Variants in CKM observed in about 807,000 individuals in gnomAD.
CKM encodes creatine kinase, M-type.
CKM carries 28 observed loss-of-function variants against 35.4 expected under a neutral mutation model. The observed-to-expected ratio is 0.79, with a 90% CI of 0.59 to 1.08. CKM has a LOEUF of 1.08. Among genes scored for constraint, CKM ranks in the 50% least tolerant of loss-of-function variants. The probability of loss-of-function intolerance (pLI) is 0.00; values close to 1 mark genes in which losing one functional copy is unlikely to be tolerated. For missense variants in CKM, 484 were observed against 509.8 expected (o/e 0.95, Z 0.49); for synonymous variants, 215 against 204.4 (o/e 1.05, Z -0.44).
At chr19:45,319,208 T>G (rs940647544) in intron 2 of CKM, among the ~76,000 whole-genome samples, 2 of 152,212 alleles carry the variant, frequency 1.3e-5, no homozygotes, top group Admixed American at 1.3e-4. Flanking sequence ...CTCTAAGCAC[T>G]GCACAGCCAT....
At chr19:45,310,813 C>T (rs1242793694) in intron 5 of CKM, among the ~76,000 whole-genome samples, 1 of 133,742 alleles carries the variant, frequency 7.5e-6, no homozygotes, top group South Asian at 2.4e-4. Flanking sequence ...TCCTGTCGCC[C>T]AGGCTGGAGT....
Position 45,318,083 on chromosome 19 carries a change from CG to C in CKM, c.194-105del. 4 of 904,236 alleles carry C rather than the reference CG, an allele frequency of 4.4e-6. No individual in the cohort carries two copies. The South Asian group carries it at 5.9e-5, about 13-fold the overall frequency. The allele number at this position is 904,236 out of a possible 1,614,324, so 56.0% of individuals were successfully genotyped here. Reference sequence around the variant, plus strand: ...GTGGACATGTGTGTCGGGATGGGGGCGGGTACATTCAATACCTCTGGGTGGG... The same window carrying C: ...GTGGACATGTGTGTCGGGATGGGGGCGGTACATTCAATACCTCTGGGTGGG... On this transcript the variant is annotated intron_variant, in intron 2 of 7. Coordinates refer to ENST00000221476, the MANE Select transcript of CKM (RefSeq NM_001824.5).
At position 45,310,116 on chromosome 19, in the gene CKM, C is replaced by CTTTT. The variant is rs56240150; in HGVS notation, c.654-1588_654-1585dup. Reference sequence around the variant, plus strand: ...AACACTTAGTGTATACCAGGCACTGCTTTTTTTTTTTTTTTTTTTTTTGAG... The same window carrying CTTTT: ...AACACTTAGTGTATACCAGGCACTGCTTTTTTTTTTTTTTTTTTTTTTTTTTGAG... On this transcript the variant is annotated intron_variant, in intron 5 of 7. Transcript: ENST00000221476. Among the ~76,000 whole-genome samples the CTTTT allele has an allele frequency of 8.5e-3, 797 of 93,908 alleles. 28 individuals carry two copies. The highest frequency in any genetic ancestry group is 0.013 in the South Asian group (30 of 2,264). 61.6% of individuals were successfully genotyped at this position (93,908 alleles called of 152,430 possible).
chr19:45,321,847 G>T (rs182156346), intron 1 of CKM, among the ~76,000 whole-genome samples: 62 of 152,168 alleles, frequency 4.1e-4, no homozygotes, highest in Admixed American at 1.4e-3. Flanking sequence ...TGGGAGACGG[G>T]GATGGGAAGC....
At chr19:45,311,724 G>A (rs2123135422) in intron 5 of CKM, 25 bp downstream of exon 5, 1 of 1,545,502 alleles carries the variant, frequency 6.5e-7, no homozygotes, top group South Asian at 1.2e-5. Context: ...GGAAGAGGAA[G>A]CCAGGGGGCG....
chr19:45,319,388 T>C, intron 2 of CKM, 133 bp downstream of exon 2: 1 of 701,986 alleles, frequency 1.4e-6, no homozygotes, highest in South Asian at 1.6e-5. Context: ...ATGCATTGAT[T>C]CCCACAACAG....
At chr19:45,308,625 G>A in intron 5 of CKM, 93 bp from the exon 6 acceptor site, 1 of 1,563,130 alleles carries the variant, frequency 6.4e-7, no homozygotes, top group Non-Finnish European at 8.8e-7. Context: ...CACCGATGGG[G>A]GAAGAGGGCC....
At chr19:45,309,376 A>G (rs1971086229) in intron 5 of CKM, among the ~76,000 whole-genome samples, 1 of 151,906 alleles carries the variant, frequency 6.6e-6, no homozygotes, top group African/African-American at 2.4e-5. Context: ...GCAACATGGC[A>G]AGACCCACAT....
intron 3 of CKM, among the ~76,000 whole-genome samples, chr19:45,316,002 C>T (rs1417864295): frequency 1.3e-5 from 2 of 151,694 alleles, no homozygotes; most frequent in Non-Finnish European, 2.9e-5. Context: ...GTATATGCCA[C>T]CATGTTCGGC....
rs943012336 is a variant in CKM at position 45,310,780 on chromosome 19, T to C, written c.653+969A>G. Among the ~76,000 whole-genome samples, 111 of 132,720 alleles carry C rather than the reference T, an allele frequency of 8.4e-4. 2 individuals carry two copies. The highest frequency in any genetic ancestry group is 7.4e-3 in the East Asian group (34 of 4,602). 87.1% of individuals were successfully genotyped at this position (132,720 alleles called of 152,430 possible). On this transcript the variant is annotated intron_variant, in intron 5 of 7. Transcript: ENST00000221476. Reference sequence around the variant, plus strand: ...CTGGCTTTTTTTTTTTTTTTTTTTTTTTTTTTTTTTTGAGACGGAGTCTCC... The same window carrying C: ...CTGGCTTTTTTTTTTTTTTTTTTTTCTTTTTTTTTTTGAGACGGAGTCTCC...
chr19:45,312,046 C>G (rs1344151409), intron 4 of CKM, 126 bp from the exon 5 acceptor site: 1 of 1,017,500 alleles, frequency 9.8e-7, no homozygotes, highest in Non-Finnish European at 1.5e-6. Context: ...GTCCTAAAGG[C>G]ACCTGAACCC....
At chr19:45,318,487 G>A (rs2093777369) in intron 2 of CKM, among the ~76,000 whole-genome samples, 1 of 151,940 alleles carries the variant, frequency 6.6e-6, no homozygotes, top group Non-Finnish European at 1.5e-5. Flanking sequence ...AAGGTGGCTG[G>A]GAGGGGTCAA....
chr19:45,306,635 C>A lies in CKM; in HGVS notation c.*115G>T, dbSNP rs1971053926. The A allele has an allele frequency of 2.8e-6, 3 of 1,074,840 alleles. No individual in the cohort carries two copies. In the East Asian group the frequency reaches 7.1e-5, roughly 25 times the overall value. The allele number at this position is 1,074,840 out of a possible 1,614,324, so 66.6% of individuals were successfully genotyped here. A position where few individuals can be genotyped will look rare whatever the true frequency, so the allele number is the denominator to read the frequency against. On this transcript the variant is annotated 3_prime_UTR_variant, in exon 8 of 8. Transcript: ENST00000221476. This position sits in a 1 kb window ranked among gnomAD's most constrained non-coding sequence, Gnocchi z 4.5. ...GAACTCTGAGAAGGGTGGAGAGAGCCCCCAGGTGGGACTCTGGGACAGGGG... is the reference window on the plus strand; with the variant it reads ...GAACTCTGAGAAGGGTGGAGAGAGCACCCAGGTGGGACTCTGGGACAGGGG...
chr19:45,319,823 C>T (rs1010092885), intron 1 of CKM, 92 bp from the exon 2 acceptor site: 8 of 1,066,282 alleles, frequency 7.5e-6, no homozygotes, highest in African/African-American at 4.8e-5. Context: ...CGGAGTCTCG[C>T]TCTGTCACCC....
chr19:45,306,692 G>A lies in CKM; in HGVS notation c.*58C>T. Reference sequence around the variant, plus strand: ...CGAGGAGTGAGGGAGCAGGACTCTGGTGGGCCAGGCCCTCCCACTGGCTGG... The same window carrying A: ...CGAGGAGTGAGGGAGCAGGACTCTGATGGGCCAGGCCCTCCCACTGGCTGG... On this transcript the variant is annotated 3_prime_UTR_variant, in exon 8 of 8. Coordinates refer to ENST00000221476, the MANE Select transcript of CKM (RefSeq NM_001824.5). The surrounding 1 kb of genome is among the most constrained non-coding windows in gnomAD (Gnocchi z 4.5). 1 of 1,586,466 alleles carries A rather than the reference G, an allele frequency of 6.3e-7. No individual in the cohort carries two copies. Among genetic ancestry groups the A allele is most frequent in the Admixed American group, 1.7e-5 (1 of 59,966 alleles).
rs1159986615 is a variant in CKM, at chr19:45,315,623, C to T, written c.349-26G>A. ...CTGGAGAGCGGGTGGGAGATCAGGA[C>T]CAGGCAGATCCTCCGCCCTCTCCAG... On this transcript the variant is annotated intron_variant, in intron 3 of 7. Transcript: ENST00000221476. The T allele has an allele frequency of 5.6e-6, 9 of 1,600,868 alleles. No homozygotes were observed. The African/African-American group carries it at 8.0e-5, about 14-fold the overall frequency.
rs935566989 is a variant in CKM at position 45,308,459 on chromosome 19, C to T, written c.727G>A (p.Gly243Arg). The change falls in exon 6 of 8, where the codon GGG becomes AGG. Residue 243 changes from glycine to arginine, a missense_variant. Physicochemically the swap from Gly to Arg is moderately radical, Grantham distance 125. Transcript: ENST00000221476. ...DHLRVISMEKGGNMKEVFRRF... is the reference protein window; with the variant it reads ...DHLRVISMEKRGNMKEVFRRF... ...CGGAAAACCTCCTTCATGTTGCCCCCCTTCTCCATGGAGATGACCCGGAGG... is the reference window on the plus strand; with the variant it reads ...CGGAAAACCTCCTTCATGTTGCCCCTCTTCTCCATGGAGATGACCCGGAGG... 3.1e-6 allele frequency: 5 copies of T among 1,614,052 alleles called. No individual in the cohort carries two copies. Among genetic ancestry groups the T allele is most frequent in the Non-Finnish European group, 4.2e-6 (5 of 1,180,016 alleles).
intron 6 of CKM, 34 bp downstream of exon 6, chr19:45,308,375 A>G (rs916342593): frequency 5.6e-6 from 9 of 1,613,768 alleles, no homozygotes; most frequent in Non-Finnish European, 7.6e-6. Flanking sequence ...TTCAAGGTGG[A>G]GTCAGAAGTC....
chr19:45,307,669 A>G lies in CKM; in HGVS notation c.778-19T>C. The G allele has an allele frequency of 6.2e-7, 1 of 1,611,350 alleles. No homozygotes were observed. The highest frequency in any genetic ancestry group is 8.5e-7 in the Non-Finnish European group (1 of 1,178,484). ...CCTCAATCTGAGGTTCAGAGAGAGG[A>G]CCAGGGGTCAGCGCCGGCAGGCACC... On this transcript the variant is annotated intron_variant, in intron 6 of 7. Coordinates refer to ENST00000221476, the MANE Select transcript of CKM (RefSeq NM_001824.5).
Sources: allele counts gnomAD v4.1 joint callset (sites outside exome capture counted in the v4.1 genomes callset), GRCh38; gene constraint gnomAD v4.1.1; non-coding constraint Gnocchi (gnomAD v3.1); transcripts MANE v1.5; gene names NCBI Gene and HGNC (gene_info 2026-07-23, HGNC 2026-07-21).